The following UTP25 variants were observed in gnomAD, a reference collection of about 807,000 sequenced individuals.
The protein encoded by UTP25 is U3 small nucleolar RNA-associated protein 25 homolog.
In UTP25, 50 loss-of-function variants were observed where a neutral mutation model predicts 78.9. That is an observed-to-expected ratio of 0.63 (90% confidence interval 0.50 to 0.80). UTP25 has a LOEUF of 0.80. UTP25 is among the 30% of genes least tolerant of loss of function. The pLI is 0.00. For missense variants in UTP25, 846 were observed against 911.3 expected, an observed-to-expected ratio of 0.93 and a Z score of 0.92; for synonymous variants, 329 against 336.5, an observed-to-expected ratio of 0.98 and a Z score of 0.24.
Position 209,852,375 on chromosome 1 carries a change from C to A in UTP25, c.*928C>A, listed in dbSNP as rs2078246274. On this transcript the variant is annotated 3_prime_UTR_variant, in exon 12 of 12. Transcript: ENST00000491415. The stretch of plus-strand genomic sequence containing the variant: ...AGGGTATTGTTTGTGATTAGGAATG[C>A]CCCACCAATAAGGATAATGTGAATA... 1 of 152,088 alleles carries A rather than the reference C, an allele frequency of 6.6e-6. No individual in the cohort carries two copies. The highest frequency in any genetic ancestry group is 1.5e-5 in the Non-Finnish European group (1 of 68,032). The allele number at this position is 152,088 out of a possible 1,614,324, so 9.4% of individuals were successfully genotyped here.
intron 3 of UTP25, among the ~76,000 whole-genome samples, chr1:209,832,698 C>T (rs2078109850): frequency 6.6e-6 from 1 of 152,172 alleles, no homozygotes; most frequent in Non-Finnish European, 1.5e-5. Context: ...GCCTGGCCAA[C>T]ATGGCGAAAC....
In UTP25 at chr1:209,843,633, A is replaced by G; in HGVS notation, c.1964A>G (p.His655Arg). The change falls in exon 11 of 12, where the codon CAC becomes CGC. Residue 655 changes from histidine to arginine, a missense_variant. Physicochemically the swap from His to Arg is conservative, Grantham distance 29 (BLOSUM62 0). Coordinates refer to ENST00000491415, the MANE Select transcript of UTP25 (RefSeq NM_014388.7). ...TQKSGVSRAR[H>R]FFLQGEKQFL... is the part of the protein sequence containing the mutation. ...AAGTCTGGTGTCTCCAGGGCCAGAC[A>G]CTTCTTCCTTCAAGGAGAGAAACAG... The G allele has an allele frequency of 6.8e-6, 11 of 1,614,174 alleles. No individual in the cohort carries two copies. Among genetic ancestry groups the G allele is most frequent in the Non-Finnish European group, 6.8e-6 (8 of 1,180,002 alleles).
rs534349488 is a variant in UTP25, at chr1:209,847,298, C to G, written c.2027+3602C>G. ...TTGTTAAGAGACTAACAATAAACAT[C>G]TGTTTATTTATAAATGCTTTTACCC... is the stretch of plus-strand genomic sequence containing the variant. On this transcript the variant is annotated intron_variant, in intron 11 of 11. Coordinates refer to ENST00000491415, the MANE Select transcript of UTP25 (RefSeq NM_014388.7). Among the ~76,000 whole-genome samples, 10 of 152,248 alleles carry G rather than the reference C, an allele frequency of 6.6e-5. No homozygotes were observed. In the South Asian group the frequency reaches 1.9e-3, roughly 28 times the overall value.
chr1:209,856,346 C>G lies in UTP25; in HGVS notation c.*4899C>G, dbSNP rs2078275776. On this transcript the variant is annotated 3_prime_UTR_variant, in exon 12 of 12. Transcript: ENST00000491415. ...CCACCCCTTGCAGTAAAATGTGGCCCATGAGACAGAAGCACTAACTACTGA... is the reference window on the plus strand; with the variant it reads ...CCACCCCTTGCAGTAAAATGTGGCCGATGAGACAGAAGCACTAACTACTGA... 2 of 152,244 alleles carry G rather than the reference C, an allele frequency of 1.3e-5. No individual in the cohort carries two copies. The highest frequency in any genetic ancestry group is 4.8e-5 in the African/African-American group (2 of 41,452). The allele number at this position is 152,244 out of a possible 1,614,324, so 9.4% of individuals were successfully genotyped here.
chr1:209,841,087 G>A, intron 8 of UTP25, 32 bp downstream of exon 8: 1 of 1,610,452 alleles, frequency 6.2e-7, no homozygotes, highest in South Asian at 1.1e-5. Context: ...CAGTGGGACA[G>A]TATTCATATT....
At chr1:209,829,588 G>A (rs1200277633) in intron 1 of UTP25, among the ~76,000 whole-genome samples, 4 of 151,416 alleles carry the variant, frequency 2.6e-5, no homozygotes, top group African/African-American at 4.9e-5. Flanking sequence ...GGCTCAAGCG[G>A]TCCTCCTGCC....
chr1:209,831,650 G>C (rs551039782), intron 3 of UTP25, among the ~76,000 whole-genome samples: 1 of 152,106 alleles, frequency 6.6e-6, no homozygotes, highest in Non-Finnish European at 1.5e-5. Context: ...TTTGACAAAG[G>C]TATACATCCA....
chr1:209,829,422 G>A (rs1032531119), intron 1 of UTP25, among the ~76,000 whole-genome samples: 2 of 152,074 alleles, frequency 1.3e-5, no homozygotes, highest in African/African-American at 4.8e-5. Flanking sequence ...TGATCTCAAT[G>A]CTCATCCCAC....
At chr1:209,831,151 C>G (rs1019832029) in intron 3 of UTP25, 108 bp downstream of exon 3, 1 of 1,153,004 alleles carries the variant, frequency 8.7e-7, no homozygotes, top group Admixed American at 2.3e-5. Flanking sequence ...GGACATGAAT[C>G]CAAAATAGGG....
At chr1:209,839,222 C>A in intron 7 of UTP25, 94 bp downstream of exon 7, 1 of 1,120,428 alleles carries the variant, frequency 8.9e-7, no homozygotes, top group Non-Finnish European at 1.3e-6. Context: ...CAGTGGATCA[C>A]TCACTGTGCC....
intron 7 of UTP25, among the ~76,000 whole-genome samples, chr1:209,839,694 CA>C (rs1378721881): frequency 6.6e-6 from 1 of 152,246 alleles, no homozygotes; most frequent in Non-Finnish European, 1.5e-5. Flanking sequence ...TCATTAGTCA[CA>C]TATGCTCATT....
intron 7 of UTP25, among the ~76,000 whole-genome samples, chr1:209,839,687 T>C (rs1315011339): frequency 1.3e-5 from 2 of 152,242 alleles, no homozygotes; most frequent in Admixed American, 6.5e-5. Context: ...GAAATGTTCA[T>C]TAGTCACATA....
chr1:209,839,092 G>C lies in UTP25; in HGVS notation c.1246G>C (p.Val416Leu). ...GAAGAGGCCTGAGGATTATGAAGCC[G>C]TATTTGTGGGCAATATTGATGACCA... ...NLKRPEDYEA[V>L]FVGNIDDHFR... The change falls in exon 7 of 12, where the codon GTA (valine) becomes CTA (leucine). Residue 416 changes from valine to leucine, a missense_variant. Val to Leu is a conservative substitution (Grantham distance 32). Transcript: ENST00000491415. 6.2e-7 allele frequency: 1 copy of C among 1,613,458 alleles called. No individual in the cohort carries two copies. The highest frequency in any genetic ancestry group is 2.2e-5 in the East Asian group (1 of 44,866).
chr1:209,846,695 G>A (rs1236440505), intron 11 of UTP25, among the ~76,000 whole-genome samples: 1 of 152,216 alleles, frequency 6.6e-6, no homozygotes, highest in African/African-American at 2.4e-5. Flanking sequence ...ATATAAGGGA[G>A]GAGGAAGGCA....
At chr1:209,829,487 T>TTTTC (rs2078090736) in intron 1 of UTP25, among the ~76,000 whole-genome samples, 1 of 138,144 alleles carries the variant, frequency 7.2e-6, no homozygotes. Flanking sequence ...TTTTCTTTTC[T>TTTTC]TTTTTCTTTT....
chr1:209,846,081 C>T (rs2078195545), intron 11 of UTP25, among the ~76,000 whole-genome samples: 1 of 152,062 alleles, frequency 6.6e-6, no homozygotes, highest in South Asian at 2.1e-4. Context: ...TCTTGAACTC[C>T]TGGCCTCATG....
intron 3 of UTP25, among the ~76,000 whole-genome samples, chr1:209,831,360 G>C (rs1004874052): frequency 6.6e-6 from 1 of 152,194 alleles, no homozygotes; most frequent in Non-Finnish European, 1.5e-5. Flanking sequence ...AGAGGTTACT[G>C]TTCTTCTCTT....
At chr1:209,834,790 A>G (rs959206078) in intron 4 of UTP25, among the ~76,000 whole-genome samples, 10 of 152,236 alleles carry the variant, frequency 6.6e-5, no homozygotes, top group Admixed American at 1.3e-4. Flanking sequence ...TCCAGAAATG[A>G]TAACGGAGAT....
Position 209,851,399 on chromosome 1 carries a change from G to C in UTP25, c.2223G>C (p.Met741Ile). ...TTGGTGTGGAGCGGGCGGCACAGAT[G>C]CTACAGTCCAACAAGAATGTCCACC... is the stretch of plus-strand genomic sequence containing the variant. ...AVVGVERAAQ[M>I]LQSNKNVHLF... The change falls in exon 12 of 12, where the codon ATG (methionine) becomes ATC (isoleucine). Residue 741 changes from methionine (M) to isoleucine (I), a missense_variant. Met to Ile is a conservative substitution (Grantham distance 10, BLOSUM62 1). Coordinates refer to ENST00000491415, the MANE Select transcript of UTP25 (RefSeq NM_014388.7). 6.2e-7 allele frequency: 1 copy of C among 1,613,078 alleles called. No individual in the cohort carries two copies. The highest frequency in any genetic ancestry group is 1.1e-5 in the South Asian group (1 of 90,748).
Sources: gnomAD v4.1 joint callset for allele counts (sites outside exome capture counted in the v4.1 genomes callset) on GRCh38, gnomAD v4.1.1 for gene constraint, MANE v1.5 for transcripts, NCBI Gene and HGNC (gene_info 2026-07-23, HGNC 2026-07-21) for gene names.